Variants in PELI2 observed in about 807,000 individuals in gnomAD.
PELI2 encodes E3 ubiquitin-protein ligase pellino homolog 2.
A neutral mutation model predicts 42.3 loss-of-function variants in PELI2; 23 were observed. The observed-to-expected ratio is 0.54, with a 90% CI of 0.39 to 0.77. The LOEUF is 0.77. Ranked by LOEUF, PELI2 falls within the 30% of genes least tolerant of loss-of-function variation. PELI2 has a pLI of 0.00. For synonymous variants in PELI2, 245 were observed against 212.2 expected, an observed-to-expected ratio of 1.15 and a Z score of -1.34; for missense variants, 463 against 553.2, an observed-to-expected ratio of 0.84 and a Z score of 1.64.
intron 1 of PELI2, among the ~76,000 whole-genome samples, chr14:56,141,115 T>C (rs1304181031): frequency 6.6e-6 from 1 of 152,208 alleles, no homozygotes; most frequent in African/African-American, 2.4e-5. Context: ...CTGTTCATAG[T>C]ACTGAACAGT....
chr14:56,287,223 A>G (rs1889673418), intron 3 of PELI2, among the ~76,000 whole-genome samples: 1 of 152,062 alleles, frequency 6.6e-6, no homozygotes, highest in Non-Finnish European at 1.5e-5. Flanking sequence ...ATCACATTTT[A>G]CTCCTAAACT....
chr14:56,121,791 G>C (rs1219956754), intron 1 of PELI2, among the ~76,000 whole-genome samples: 2 of 152,164 alleles, frequency 1.3e-5, no homozygotes, highest in Non-Finnish European at 2.9e-5. Flanking sequence ...TAGGCTTCAA[G>C]AGCCCTTCCT....
chr14:56,291,034 C>T (rs1425028505), intron 5 of PELI2, among the ~76,000 whole-genome samples: 1 of 152,186 alleles, frequency 6.6e-6, no homozygotes, highest in Non-Finnish European at 1.5e-5. Flanking sequence ...CACTTATCCC[C>T]ATGCCCTAAA....
At chr14:56,138,298 A>G (rs1008242816) in intron 1 of PELI2, among the ~76,000 whole-genome samples, 1 of 152,244 alleles carries the variant, frequency 6.6e-6, no homozygotes, top group Non-Finnish European at 1.5e-5. Flanking sequence ...GCCACATCTC[A>G]AAACAGATAG....
intron 2 of PELI2, among the ~76,000 whole-genome samples, chr14:56,230,774 C>T (rs1433838853): frequency 6.6e-6 from 1 of 152,154 alleles, no homozygotes; most frequent in Non-Finnish European, 1.5e-5. Context: ...TGTAAATGGG[C>T]TAAATGTTCC....
intron 2 of PELI2, among the ~76,000 whole-genome samples, chr14:56,193,529 AAG>A (rs749746943): frequency 1.3e-5 from 2 of 152,220 alleles, no homozygotes; most frequent in Non-Finnish European, 2.9e-5. Context: ...GGAAAGGAAA[AAG>A]AGAAGAAGCT....
At chr14:56,227,981 T>C (rs1364576969) in intron 2 of PELI2, among the ~76,000 whole-genome samples, 3 of 152,226 alleles carry the variant, frequency 2.0e-5, no homozygotes, top group Non-Finnish European at 4.4e-5. Context: ...GTGCCACTGC[T>C]AGGAGTGGAA....
At chr14:56,269,826 A>T (rs1166291499) in intron 2 of PELI2, among the ~76,000 whole-genome samples, 2 of 152,186 alleles carry the variant, frequency 1.3e-5, no homozygotes, top group Non-Finnish European at 1.5e-5. Context: ...AAATGGTAGG[A>T]TTCCTGGGAC....
chr14:56,211,195 G>A (rs1886702057), intron 2 of PELI2, among the ~76,000 whole-genome samples: 1 of 152,234 alleles, frequency 6.6e-6, no homozygotes, highest in Non-Finnish European at 1.5e-5. Flanking sequence ...GATCCCTTGA[G>A]TCAATGCTGC....
intron 2 of PELI2, among the ~76,000 whole-genome samples, chr14:56,209,365 G>A (rs866746559): frequency 2.6e-5 from 4 of 152,184 alleles, no homozygotes; most frequent in East Asian, 1.9e-4. Context: ...ATATATGTAC[G>A]TAAAGGAAGA....
chr14:56,202,058 C>G (rs2139708655), intron 2 of PELI2, among the ~76,000 whole-genome samples: 1 of 152,332 alleles, frequency 6.6e-6, no homozygotes, highest in African/African-American at 2.4e-5. Context: ...CATGAGACAA[C>G]CTGCCAGTGT....
At chr14:56,242,447 T>A (rs1400056846) in intron 2 of PELI2, among the ~76,000 whole-genome samples, 1 of 152,104 alleles carries the variant, frequency 6.6e-6, no homozygotes, top group Non-Finnish European at 1.5e-5. Context: ...TAACATGTAA[T>A]CAAAAAGAAC....
chr14:56,239,366 T>C (rs576634448), intron 2 of PELI2, among the ~76,000 whole-genome samples: 4 of 152,196 alleles, frequency 2.6e-5, no homozygotes, highest in African/African-American at 9.6e-5. Flanking sequence ...TCCTGGACTT[T>C]CCAAGAGAAT....
intron 2 of PELI2, among the ~76,000 whole-genome samples, chr14:56,206,134 G>A (rs1437844820): frequency 1.3e-5 from 2 of 152,130 alleles, no homozygotes; most frequent in African/African-American, 4.8e-5. Flanking sequence ...ATTTGCAGTA[G>A]GAAGGTGACC....
rs1421508604 is a variant in PELI2 at position 56,178,997 on chromosome 14, T to C, written c.207+533T>C. Among the ~76,000 whole-genome samples, 3 of 152,318 alleles carry C rather than the reference T, an allele frequency of 2.0e-5. No individual in the cohort carries two copies. In the East Asian group the frequency reaches 5.8e-4, roughly 29 times the overall value. ...GTGTGGCTCATAGAAGGATGAAAAG[T>C]ATACACGACCAAGTGATAAAAGAGG... On this transcript the variant is annotated intron_variant, in intron 2 of 5. Coordinates refer to ENST00000267460, the MANE Select transcript of PELI2 (RefSeq NM_021255.3).
At chr14:56,187,967 C>T (rs1479760313) in intron 2 of PELI2, among the ~76,000 whole-genome samples, 3 of 152,182 alleles carry the variant, frequency 2.0e-5, no homozygotes, top group Admixed American at 6.5e-5. Context: ...TCGCAGGGGG[C>T]GTTGTCGTTG....
At chr14:56,292,650 G>A (rs1393265160) in intron 5 of PELI2, 1 of 256,170 alleles carries the variant, frequency 3.9e-6, no homozygotes, top group East Asian at 1.8e-4. Flanking sequence ...ATCATACTGA[G>A]CATTTGATAT....
rs1246874944 is a variant in PELI2 at position 56,298,392 on chromosome 14, T to C, written c.*1226T>C. The C allele has an allele frequency of 6.6e-6, 1 of 152,466 alleles. No homozygotes were observed. The highest frequency in any genetic ancestry group is 2.4e-5 in the African/African-American group (1 of 41,466). 9.4% of individuals were successfully genotyped at this position (152,466 alleles called of 1,614,324 possible). A position where few individuals can be genotyped will look rare whatever the true frequency, so the allele number is the denominator to read the frequency against. Reference sequence around the variant, plus strand: ...AGGAGCTCCACCATTCCTGTTACTTTCATTTCATTTTGATTAATAATTCTT... The same window carrying C: ...AGGAGCTCCACCATTCCTGTTACTTCCATTTCATTTTGATTAATAATTCTT... On this transcript the variant is annotated 3_prime_UTR_variant, in exon 6 of 6. Transcript: ENST00000267460.
chr14:56,142,789 C>T (rs1041076762), intron 1 of PELI2, among the ~76,000 whole-genome samples: 1 of 151,816 alleles, frequency 6.6e-6, no homozygotes, highest in Non-Finnish European at 1.5e-5. Context: ...AAAACTACTG[C>T]CCTATTTTTT....
Sources: gnomAD v4.1 joint callset for allele counts (sites outside exome capture counted in the v4.1 genomes callset) on GRCh38, gnomAD v4.1.1 for gene constraint, MANE v1.5 for transcripts, NCBI Gene and HGNC (gene_info 2026-07-23, HGNC 2026-07-21) for gene names.